CHST3: variants seen among roughly 807,000 people sequenced by gnomAD.
The protein encoded by CHST3 is C6ST-1.
Under a neutral mutation model 35.4 loss-of-function variants are expected in CHST3, and 20 were observed. The ratio of observed to expected loss-of-function variants is 0.57; its 90% CI spans 0.40 to 0.82. The LOEUF (loss-of-function observed/expected upper bound fraction) is 0.82, where lower values mean the gene tolerates loss of function less well. Ranked by LOEUF, CHST3 falls within the 40% of genes least tolerant of loss-of-function variation. The probability of loss-of-function intolerance (pLI) is 0.00; values close to 1 mark genes in which losing one functional copy is unlikely to be tolerated. For missense variants in CHST3, 693 were observed against 670.1 expected (o/e 1.03, Z -0.38); for synonymous variants, 334 against 295.9 (o/e 1.13, Z -1.32).
chr10:71,993,070 A>G lies in CHST3; in HGVS notation c.-107-12666A>G, dbSNP rs183718792. On this transcript the variant is annotated intron_variant, in intron 1 of 2. Coordinates refer to ENST00000373115, the MANE Select transcript of CHST3 (RefSeq NM_004273.5). ...AATTTGTAAATTTTCTTAAAATATT[A>G]TGAGATTTTCTTTGCGTTTTTTGTT... 2.8e-3 allele frequency among the ~76,000 whole-genome samples: 430 copies of G among 152,358 alleles called. 2 individuals carry two copies. Among genetic ancestry groups the G allele is most frequent in the African/African-American group, 9.4e-3 (391 of 41,588 alleles).
chr10:72,012,578 T>C lies in CHST3; in HGVS notation c.*4107T>C, dbSNP rs731027. 0.44 allele frequency: 66,447 copies of C among 152,326 alleles called. 14,798 individuals are homozygous for C. Among genetic ancestry groups the C allele is most frequent in the Non-Finnish European group, 0.48 (32,605 of 68,198 alleles). The allele number at this position is 152,326 out of a possible 1,614,324, so 9.4% of individuals were successfully genotyped here. A position where few individuals can be genotyped will look rare whatever the true frequency, so the allele number is the denominator to read the frequency against. ...CATCCCCATTCCCAAAGTCAGAAAG[T>C]GAAGCCAGATCTCAAGGGCTGATAC... On this transcript the variant is annotated 3_prime_UTR_variant, in exon 3 of 3. Transcript: ENST00000373115.
chr10:71,987,714 CAAAAAAAAAAA>C (rs386371790), intron 1 of CHST3, among the ~76,000 whole-genome samples: 2 of 88,912 alleles, frequency 2.2e-5, no homozygotes, highest in African/African-American at 4.6e-5. Context: ...GAGACTGTCT[CAAAAAAAAAAA>C]AAAAAAAAGA....
At chr10:72,000,682 G>C (rs1393009182) in intron 1 of CHST3, among the ~76,000 whole-genome samples, 1 of 152,204 alleles carries the variant, frequency 6.6e-6, no homozygotes, top group East Asian at 1.9e-4. Flanking sequence ...ATTTTACCAA[G>C]TAGTGCATAG....
chr10:72,004,854 G>A (rs1274322012), intron 1 of CHST3, among the ~76,000 whole-genome samples: 2 of 152,206 alleles, frequency 1.3e-5, no homozygotes, highest in African/African-American at 4.8e-5. Context: ...TGGGGGCCAG[G>A]CGTGGTGGCT....
chr10:71,997,680 A>AC (rs1839953682), intron 1 of CHST3, among the ~76,000 whole-genome samples: 2 of 126,516 alleles, frequency 1.6e-5, no homozygotes, highest in East Asian at 4.2e-4. Context: ...CTGTCTCCAT[A>AC]AATTTTTTTT....
At chr10:71,967,053 G>A (rs76256941) in intron 1 of CHST3, among the ~76,000 whole-genome samples, 7,965 of 152,218 alleles carry the variant, frequency 0.052, 504 homozygotes, top group African/African-American at 0.15. Flanking sequence ...AGGCAGGAGT[G>A]CAGTGGCACG....
intron 1 of CHST3, among the ~76,000 whole-genome samples, chr10:71,990,743 C>G (rs776726874): frequency 3.9e-5 from 6 of 152,206 alleles, no homozygotes; most frequent in Non-Finnish European, 7.3e-5. Flanking sequence ...CCTGTTAATG[C>G]CAGCACACTG....
chr10:72,007,456 G>A lies in CHST3; in HGVS notation c.425G>A (p.Arg142His), dbSNP rs898835385. 4 of 1,603,042 alleles carry A rather than the reference G, an allele frequency of 2.5e-6. No individual in the cohort carries two copies. Among genetic ancestry groups the A allele is most frequent in the African/African-American group, 1.3e-5 (1 of 75,044 alleles). The change falls in exon 3 of 3, where the codon CGC becomes CAC. Residue 142 changes from arginine to histidine, a missense_variant. Coordinates refer to ENST00000373115, the MANE Select transcript of CHST3 (RefSeq NM_004273.5). ...RRHVLLMATT[R>H]TGSSFVGEFF... Reference sequence around the variant, plus strand: ...CACGTGCTGCTCATGGCCACCACGCGCACCGGCTCCTCGTTCGTGGGCGAG... The same window carrying A: ...CACGTGCTGCTCATGGCCACCACGCACACCGGCTCCTCGTTCGTGGGCGAG...
chr10:71,968,701 A>G (rs946938980), intron 1 of CHST3, among the ~76,000 whole-genome samples: 1 of 151,118 alleles, frequency 6.6e-6, no homozygotes, highest in Non-Finnish European at 1.5e-5. Context: ...TTTTCCATAC[A>G]CTCTGCCGAG....
At chr10:71,989,321 C>T (rs563719208) in intron 1 of CHST3, among the ~76,000 whole-genome samples, 2 of 152,242 alleles carry the variant, frequency 1.3e-5, no homozygotes, top group South Asian at 4.2e-4. Context: ...GTGGCACATG[C>T]CTGTGATCCC....
chr10:71,984,353 G>A (rs567610098), intron 1 of CHST3, among the ~76,000 whole-genome samples: 3 of 152,292 alleles, frequency 2.0e-5, no homozygotes, highest in East Asian at 1.9e-4. Context: ...TGCTCGGGCC[G>A]CCCCACGCTG....
intron 1 of CHST3, among the ~76,000 whole-genome samples, chr10:71,990,151 G>T (rs1469310350): frequency 1.3e-5 from 2 of 152,118 alleles, no homozygotes; most frequent in Non-Finnish European, 2.9e-5. Context: ...TGTTATAGCA[G>T]TCCTTTGGGG....
chr10:72,008,478 CG>C lies in CHST3; in HGVS notation c.*11del. Reference sequence around the variant, plus strand: ...CACCTTCTGGGTCACGTAGGGGGGCCGGGGCCCCGTATGCCCCTCCTCGTGA... The same window carrying C: ...CACCTTCTGGGTCACGTAGGGGGGCCGGGCCCCGTATGCCCCTCCTCGTGA... On this transcript the variant is annotated 3_prime_UTR_variant, in exon 3 of 3. Transcript: ENST00000373115. The C allele has an allele frequency of 2.6e-6, 4 of 1,522,474 alleles. No homozygotes were observed. Among genetic ancestry groups the C allele is most frequent in the African/African-American group, 1.4e-5 (1 of 72,554 alleles). The allele number at this position is 1,522,474 out of a possible 1,614,324, so 94.3% of individuals were successfully genotyped here.
At chr10:72,001,977 G>A (rs766691582) in intron 1 of CHST3, among the ~76,000 whole-genome samples, 12 of 152,174 alleles carry the variant, frequency 7.9e-5, no homozygotes, top group Admixed American at 1.3e-4. Flanking sequence ...TGAGTTCTGC[G>A]TGGGGCTTTG....
At chr10:71,971,683 C>T (rs150564772) in intron 1 of CHST3, among the ~76,000 whole-genome samples, 2 of 152,330 alleles carry the variant, frequency 1.3e-5, no homozygotes, top group East Asian at 1.9e-4. Flanking sequence ...GGGCCACCCC[C>T]GTCCCCGCAC....
chr10:71,976,245 C>G (rs1428090379), intron 1 of CHST3, among the ~76,000 whole-genome samples: 1 of 152,216 alleles, frequency 6.6e-6, no homozygotes, highest in Non-Finnish European at 1.5e-5. Context: ...CAACACCACC[C>G]TGGTCCTGGC....
At chr10:71,976,985 TGTGTGTG>T (rs1839751746) in intron 1 of CHST3, among the ~76,000 whole-genome samples, 1 of 152,212 alleles carries the variant, frequency 6.6e-6, no homozygotes, top group African/African-American at 2.4e-5. Flanking sequence ...TAGTTTTGTG[TGTGTGTG>T]TAAGCTGTGT....
intron 1 of CHST3, among the ~76,000 whole-genome samples, chr10:71,993,168 G>A (rs1839913225): frequency 6.6e-6 from 1 of 151,996 alleles, no homozygotes; most frequent in Non-Finnish European, 1.5e-5. Flanking sequence ...TCTTCTTCCA[G>A]TGTGGCCCAG....
intron 1 of CHST3, among the ~76,000 whole-genome samples, chr10:71,966,311 T>C (rs910654795): frequency 4.6e-5 from 7 of 152,110 alleles, no homozygotes; most frequent in African/African-American, 1.7e-4. Flanking sequence ...TGGCAGCAGG[T>C]AGAGCAGTGG....
Sources: allele counts gnomAD v4.1 joint callset (sites outside exome capture counted in the v4.1 genomes callset), GRCh38; gene constraint gnomAD v4.1.1; transcripts MANE v1.5; gene names NCBI Gene and HGNC (gene_info 2026-07-23, HGNC 2026-07-21).